GRM5: variants seen among roughly 807,000 people sequenced by gnomAD.
The protein encoded by GRM5 is metabotropic glutamate receptor 5.
In GRM5, 19 loss-of-function variants were observed where a neutral mutation model predicts 83.1. That is an observed-to-expected ratio of 0.23 (90% CI 0.16 to 0.34). The LOEUF (loss-of-function observed/expected upper bound fraction) is 0.34. Among genes scored for constraint, GRM5 ranks in the 10% least tolerant of loss-of-function variants. GRM5 has a pLI of 1.00. For missense variants in GRM5, 1,160 were observed against 1,588.3 expected (o/e 0.73, Z 4.58); for synonymous variants, 675 against 633.6 (o/e 1.07, Z -0.98).
intron 8 of GRM5, among the ~76,000 whole-genome samples, chr11:88,566,143 A>C (rs533656661): frequency 6.6e-6 from 1 of 152,318 alleles, no homozygotes; most frequent in Non-Finnish European, 1.5e-5. Flanking sequence ...TGATGTCTTG[A>C]CCAGCTCTTT....
At chr11:88,929,441 A>C (rs1214648367) in intron 2 of GRM5, among the ~76,000 whole-genome samples, 1 of 152,128 alleles carries the variant, frequency 6.6e-6, no homozygotes, top group Non-Finnish European at 1.5e-5. Flanking sequence ...TTAGTTTTTC[A>C]TATTTAAACT....
intron 2 of GRM5, among the ~76,000 whole-genome samples, chr11:89,031,285 T>C (rs1348340278): frequency 6.6e-6 from 1 of 151,988 alleles, no homozygotes; most frequent in Non-Finnish European, 1.5e-5. Flanking sequence ...ATATTGCTAT[T>C]ATAAGTAATA....
At chr11:88,820,237 A>T (rs1270079680) in intron 3 of GRM5, among the ~76,000 whole-genome samples, 1 of 151,618 alleles carries the variant, frequency 6.6e-6, no homozygotes, top group Non-Finnish European at 1.5e-5. Context: ...AAAAAAAAAA[A>T]ATTAGCTGGG....
intron 4 of GRM5, among the ~76,000 whole-genome samples, chr11:88,609,356 T>C (rs1938255069): frequency 6.6e-6 from 1 of 152,188 alleles, no homozygotes; most frequent in Non-Finnish European, 1.5e-5. Context: ...TCATGGTGTA[T>C]ATGTACCATG....
intron 3 of GRM5, among the ~76,000 whole-genome samples, chr11:88,659,702 T>G (rs1939855168): frequency 1.3e-5 from 2 of 152,210 alleles, no homozygotes; most frequent in Non-Finnish European, 2.9e-5. Flanking sequence ...TATCACAATC[T>G]ATTTTTGCTA....
At chr11:88,937,688 AGT>A (rs1404169581) in intron 2 of GRM5, among the ~76,000 whole-genome samples, 69 of 151,856 alleles carry the variant, frequency 4.5e-4, no homozygotes, top group African/African-American at 1.6e-3. Context: ...CCTCAAATAC[AGT>A]AGAGGATCTT....
At chr11:88,997,569 G>A (rs904697924) in intron 2 of GRM5, among the ~76,000 whole-genome samples, 2 of 151,998 alleles carry the variant, frequency 1.3e-5, no homozygotes, top group South Asian at 2.1e-4. Flanking sequence ...GACAGAGAGA[G>A]AGAGGACATG....
chr11:88,983,074 A>ACATACACACACACAC (rs1491557751), intron 2 of GRM5, among the ~76,000 whole-genome samples: 5 of 152,048 alleles, frequency 3.3e-5, no homozygotes, highest in African/African-American at 1.2e-4. Context: ...CACACACACA[A>ACATACACACACACAC]ACACAAAATT....
At chr11:88,860,387 A>G (rs1424811866) in intron 2 of GRM5, among the ~76,000 whole-genome samples, 1 of 152,128 alleles carries the variant, frequency 6.6e-6, no homozygotes, top group African/African-American at 2.4e-5. Flanking sequence ...TTCCATTTCC[A>G]CAGAAAGGAG....
intron 2 of GRM5, among the ~76,000 whole-genome samples, chr11:88,870,737 C>A (rs906676361): frequency 6.6e-6 from 1 of 151,334 alleles, no homozygotes; most frequent in African/African-American, 2.4e-5. Flanking sequence ...CAAAAATTAA[C>A]CTAATAATGG....
chr11:88,551,883 T>A (rs1003195132), intron 8 of GRM5, among the ~76,000 whole-genome samples: 1 of 152,166 alleles, frequency 6.6e-6, no homozygotes, highest in African/African-American at 2.4e-5. Flanking sequence ...CATTGAATTG[T>A]AAAGGTATTT....
chr11:88,703,896 TAGTC>T (rs1941093771), intron 3 of GRM5, among the ~76,000 whole-genome samples: 1 of 152,102 alleles, frequency 6.6e-6, no homozygotes, highest in African/African-American at 2.4e-5. Flanking sequence ...ATACCTATCT[TAGTC>T]AGTTTGGGCT....
At chr11:88,699,105 C>CA (rs33935610) in intron 3 of GRM5, among the ~76,000 whole-genome samples, 43 of 6,702 alleles carry the variant, frequency 6.4e-3, no homozygotes, top group African/African-American at 6.7e-3. Context: ...AAAAACAAAA[C>CA]AAAAAAAAAA....
chr11:88,744,343 A>T (rs78805219), intron 3 of GRM5, among the ~76,000 whole-genome samples: 3,164 of 152,258 alleles, frequency 0.021, 113 homozygotes, highest in African/African-American at 0.07. Context: ...TGTGCAGCAA[A>T]CCATTATTTA....
chr11:88,973,106 G>T (rs1298106694), intron 2 of GRM5, among the ~76,000 whole-genome samples: 1 of 152,132 alleles, frequency 6.6e-6, no homozygotes, highest in Non-Finnish European at 1.5e-5. Flanking sequence ...TGGCTAGTGG[G>T]CCTAAAAAGG....
Position 88,567,337 on chromosome 11 carries a change from G to A in GRM5, c.2346C>T (p.Cys782=). The change falls in exon 8 of 10, where the codon TGC becomes TGT. Residue 782 remains cysteine, a synonymous_variant. Coordinates refer to ENST00000305447, the MANE Select transcript of GRM5 (RefSeq NM_001143831.3). The surrounding 1 kb of genome is among the most constrained non-coding windows in gnomAD (Gnocchi z 7.3). ...TTGGCACAAAAGCTAGCCATATAATGCAGGTCGTGTACATTGTGAAGGCGA... is the reference window on the plus strand; with the variant it reads ...TTGGCACAAAAGCTAGCCATATAATACAGGTCGTGTACATTGTGAAGGCGA... The part of the protein sequence containing the change: ...KYIAFTMYTT[C]IIWLAFVPIY... 2 of 1,614,134 alleles carry A rather than the reference G, an allele frequency of 1.2e-6. No individual in the cohort carries two copies. Among genetic ancestry groups the A allele is most frequent in the East Asian group, 2.2e-5 (1 of 44,888 alleles).
chr11:88,671,838 C>T (rs1450296436), intron 3 of GRM5, among the ~76,000 whole-genome samples: 1 of 152,010 alleles, frequency 6.6e-6, no homozygotes, highest in Non-Finnish European at 1.5e-5. Context: ...AGTTTTATTT[C>T]TGGATCTGAT....
At chr11:88,681,966 C>G (rs769611323) in intron 3 of GRM5, among the ~76,000 whole-genome samples, 9 of 152,138 alleles carry the variant, frequency 5.9e-5, no homozygotes, top group Non-Finnish European at 1.2e-4. Flanking sequence ...ATGATCCAAA[C>G]TGTAGCCACC....
intron 8 of GRM5, among the ~76,000 whole-genome samples, chr11:88,535,079 C>G (rs371642704): frequency 4.6e-5 from 7 of 152,288 alleles, no homozygotes; most frequent in African/African-American, 1.7e-4. Flanking sequence ...ATTGCACAGT[C>G]TCGGGTATGT....
Sources: allele counts gnomAD v4.1 joint callset (sites outside exome capture counted in the v4.1 genomes callset), GRCh38; gene constraint gnomAD v4.1.1; non-coding constraint Gnocchi (gnomAD v3.1); transcripts MANE v1.5; gene names NCBI Gene and HGNC (gene_info 2026-07-23, HGNC 2026-07-21).